Variants in RAB44 observed in about 807,000 individuals in gnomAD.
RAB44 encodes the protein ras-related protein Rab-44.
RAB44 carries 67 observed loss-of-function variants against 93.3 expected under a neutral mutation model. The ratio of observed to expected loss-of-function variants is 0.72; its 90% CI spans 0.59 to 0.88. The LOEUF (loss-of-function observed/expected upper bound fraction) is 0.88. Ranked by LOEUF, RAB44 falls within the 40% of genes least tolerant of loss-of-function variation. The pLI, the probability that RAB44 is intolerant of heterozygous loss-of-function variation, is 0.00. For synonymous variants in RAB44, 427 were observed against 520.3 expected (o/e 0.82, Z 2.44); for missense variants, 1,064 against 1,261.7 (o/e 0.84, Z 2.37).
chr6:36,727,544 C>T (rs1763266234), intron 10 of RAB44, 33 bp from the exon 11 acceptor site: 1 of 1,478,960 alleles, frequency 6.8e-7, no homozygotes, highest in Non-Finnish European at 9.2e-7. Flanking sequence ...GGTCTGGATG[C>T]CTGGTGTGGC....
At chr6:36,724,172 TTTATTTA>T (rs1371334715) in intron 9 of RAB44, among the ~76,000 whole-genome samples, 1 of 151,312 alleles carries the variant, frequency 6.6e-6, no homozygotes, top group African/African-American at 2.4e-5. Flanking sequence ...TATTTATTTA[TTTATTTA>T]TTTTTTGAGA....
chr6:36,706,620 TG>T (rs756366075), intron 2 of RAB44, among the ~76,000 whole-genome samples: 31 of 152,238 alleles, frequency 2.0e-4, no homozygotes, highest in Non-Finnish European at 7.3e-5. Flanking sequence ...AGGCCTTGAT[TG>T]CACAATTGAT....
intron 1 of RAB44, among the ~76,000 whole-genome samples, chr6:36,702,447 G>A (rs547630437): frequency 3.3e-5 from 5 of 152,240 alleles, no homozygotes; most frequent in African/African-American, 9.6e-5. Context: ...AGGGGAGGCC[G>A]TGGAATGACC....
In RAB44 at chr6:36,732,589, A is replaced by T. The variant is rs919150676; in HGVS notation, c.*496A>T. On this transcript the variant is annotated 3_prime_UTR_variant, in exon 14 of 14. Transcript: ENST00000612677. ...TCCTAATTAGTGTAACCTGTTAATC[A>T]CATGTTGCTCGGTGTTAGAGCGGTC... 6.6e-6 allele frequency: 1 copy of T among 152,126 alleles called. No homozygotes were observed. The highest frequency in any genetic ancestry group is 1.5e-5 in the Non-Finnish European group (1 of 68,028). The allele number at this position is 152,126 out of a possible 1,614,324, so 9.4% of individuals were successfully genotyped here. A position where few individuals can be genotyped will look rare whatever the true frequency, so the allele number is the denominator to read the frequency against.
At chr6:36,725,763 C>A in intron 9 of RAB44, 99 bp from the exon 10 acceptor site, 1 of 795,380 alleles carries the variant, frequency 1.3e-6, no homozygotes, top group Non-Finnish European at 2.2e-6. Context: ...CTCCATCGCA[C>A]CGCAGCTGGT....
At chr6:36,726,229 T>C (rs942470618) in intron 10 of RAB44, among the ~76,000 whole-genome samples, 20 of 152,198 alleles carry the variant, frequency 1.3e-4, no homozygotes, top group Non-Finnish European at 2.1e-4. Context: ...ACTTTCAACC[T>C]AGGCAGTAGT....
At chr6:36,715,001 C>G (rs929449275) in intron 3 of RAB44, among the ~76,000 whole-genome samples, 1 of 152,088 alleles carries the variant, frequency 6.6e-6, no homozygotes, top group African/African-American at 2.4e-5. Context: ...AATGTCACCT[C>G]CTTAGGACAC....
Position 36,722,091 on chromosome 6 carries a change from C to T in RAB44, c.1957C>T (p.His653Tyr), listed in dbSNP as rs1209091242. ...CCTTCCTGAGGGGCTAAGAGAAGCT[C>T]ATGGCCAGGTCCTTGGGCTGGGTGA... ...EGLPEGLREA[H>Y]GQVLGLGELS... Residue 653 changes from histidine to tyrosine, a missense_variant, in exon 9 of 14, where the codon CAT becomes TAT. His to Tyr is a moderately conservative substitution (Grantham distance 83). Coordinates refer to ENST00000612677, the MANE Select transcript of RAB44 (RefSeq NM_001257357.2). 8.9e-6 allele frequency: 11 copies of T among 1,233,010 alleles called. No individual in the cohort carries two copies. Among genetic ancestry groups the T allele is most frequent in the Non-Finnish European group, 1.0e-5 (10 of 988,902 alleles). The allele number at this position is 1,233,010 out of a possible 1,614,324, so 76.4% of individuals were successfully genotyped here. A position where few individuals can be genotyped will look rare whatever the true frequency, so the allele number is the denominator to read the frequency against.
intron 1 of RAB44, among the ~76,000 whole-genome samples, chr6:36,702,655 C>T (rs1490875119): frequency 2.6e-5 from 4 of 152,240 alleles, no homozygotes; most frequent in Non-Finnish European, 5.9e-5. Context: ...CCTGCAGAAC[C>T]TGCACAAGCC....
chr6:36,716,917 A>T (rs1762935718), intron 4 of RAB44, among the ~76,000 whole-genome samples: 1 of 152,082 alleles, frequency 6.6e-6, no homozygotes, highest in Non-Finnish European at 1.5e-5. Flanking sequence ...CCATTTTACA[A>T]ATGAGCCCAG....
Position 36,732,105 on chromosome 6 carries a change from G to A in RAB44, c.*12G>A. 8.1e-7 allele frequency: 1 copy of A among 1,232,904 alleles called. No homozygotes were observed. The highest frequency in any genetic ancestry group is 4.1e-5 in the South Asian group (1 of 24,388). 76.4% of individuals were successfully genotyped at this position (1,232,904 alleles called of 1,614,324 possible). On this transcript the variant is annotated 3_prime_UTR_variant, in exon 14 of 14. Transcript: ENST00000612677. ...GCTGTTGCTCCTGATCACCTGTCCTGTCCTGGGTAGGATGGACACCCATGG... is the reference window on the plus strand; with the variant it reads ...GCTGTTGCTCCTGATCACCTGTCCTATCCTGGGTAGGATGGACACCCATGG...
chr6:36,702,686 C>T (rs1473002373), intron 1 of RAB44, among the ~76,000 whole-genome samples: 6 of 152,234 alleles, frequency 3.9e-5, no homozygotes, highest in Non-Finnish European at 7.3e-5. Context: ...CAGGAAGCTG[C>T]CCTGTCTGTC....
intron 2 of RAB44, among the ~76,000 whole-genome samples, chr6:36,711,715 A>T (rs1307220835): frequency 6.6e-6 from 1 of 152,170 alleles, no homozygotes; most frequent in Non-Finnish European, 1.5e-5. Context: ...TACCTTCCAG[A>T]TGTACAAAAG....
intron 2 of RAB44, among the ~76,000 whole-genome samples, chr6:36,705,460 C>A (rs528734671): frequency 9.8e-5 from 14 of 143,472 alleles, no homozygotes; most frequent in African/African-American, 3.1e-4. Flanking sequence ...CAGCTCACTG[C>A]AAACCTCTGC....
At chr6:36,705,602 C>T (rs755176039) in intron 2 of RAB44, among the ~76,000 whole-genome samples, 2 of 152,066 alleles carry the variant, frequency 1.3e-5, no homozygotes, top group Non-Finnish European at 2.9e-5. Context: ...AGGCTGGTCT[C>T]GAGCTCCTGA....
At chr6:36,711,325 T>C (rs1014574127) in intron 2 of RAB44, among the ~76,000 whole-genome samples, 1 of 152,194 alleles carries the variant, frequency 6.6e-6, no homozygotes, top group Non-Finnish European at 1.5e-5. Context: ...AAATGAGAAG[T>C]ATAGGAAATC....
At position 36,730,821 on chromosome 6, in the gene RAB44, C is replaced by T. The variant is rs1440630834; in HGVS notation, c.2975+72C>T. ...ATCCTCTGGGACAGCTCCGGCCCCACTCTTGACTCCCAGGTGGGACAGGAA... is the reference window on the plus strand; with the variant it reads ...ATCCTCTGGGACAGCTCCGGCCCCATTCTTGACTCCCAGGTGGGACAGGAA... On this transcript the variant is annotated intron_variant, in intron 13 of 13. Coordinates refer to ENST00000612677, the MANE Select transcript of RAB44 (RefSeq NM_001257357.2). The T allele has an allele frequency of 6.5e-6, 5 of 773,508 alleles. No homozygotes were observed. In the African/African-American group the frequency reaches 9.2e-5, roughly 14 times the overall value. 47.9% of individuals were successfully genotyped at this position (773,508 alleles called of 1,614,324 possible).
At chr6:36,701,587 C>T (rs564597392) in intron 1 of RAB44, among the ~76,000 whole-genome samples, 2 of 152,292 alleles carry the variant, frequency 1.3e-5, no homozygotes, top group African/African-American at 4.8e-5. Flanking sequence ...TAAGCTATGT[C>T]ACCTCCCCCA....
chr6:36,723,260 C>G (rs1010685524), intron 9 of RAB44, among the ~76,000 whole-genome samples: 4 of 152,166 alleles, frequency 2.6e-5, no homozygotes, highest in African/African-American at 9.7e-5. Context: ...ATGATTTAAC[C>G]CTTTTGAACC....
Sources: gnomAD v4.1 joint callset for allele counts (sites outside exome capture counted in the v4.1 genomes callset) on GRCh38, gnomAD v4.1.1 for gene constraint, MANE v1.5 for transcripts, NCBI Gene and HGNC (gene_info 2026-07-23, HGNC 2026-07-21) for gene names.